The following WNT3 variants were observed in gnomAD, a reference collection of about 807,000 sequenced individuals.
The protein encoded by WNT3 is Wnt family member 3.
Under a neutral mutation model 34.2 loss-of-function variants are expected in WNT3, and 7 were observed. That is an observed-to-expected ratio of 0.20 (90% CI 0.12 to 0.38). The LOEUF (loss-of-function observed/expected upper bound fraction) is 0.38. Ranked by LOEUF, WNT3 falls within the 10% of genes least tolerant of loss-of-function variation. The pLI is 1.00. For missense variants in WNT3, 267 were observed against 499.8 expected (o/e 0.53, Z 4.44); for synonymous variants, 212 against 211.5 (o/e 1.00, Z -0.02).
At chr17:46,805,216 C>A (rs892855825) in intron 1 of WNT3, among the ~76,000 whole-genome samples, 6 of 151,806 alleles carry the variant, frequency 4.0e-5, no homozygotes, top group Non-Finnish European at 8.8e-5. Context: ...GAGGCTGAGG[C>A]AGGAGGATTG....
At chr17:46,778,317 G>A (rs4141293) in intron 1 of WNT3, among the ~76,000 whole-genome samples, 17,145 of 152,160 alleles carry the variant, frequency 0.11, 2,309 homozygotes, top group East Asian at 0.6. Context: ...CTGGATGAGG[G>A]TTCAAGGTCA....
chr17:46,768,578 C>T lies in WNT3; in HGVS notation c.810G>A (p.Thr270=), dbSNP rs753052254. 6.2e-7 allele frequency: 1 copy of T among 1,614,206 alleles called. No homozygotes were observed. The highest frequency in any genetic ancestry group is 8.5e-7 in the Non-Finnish European group (1 of 1,180,042). The change falls in exon 4 of 5, where the codon ACG becomes ACA. Residue 270 remains threonine, a synonymous_variant. Coordinates refer to ENST00000225512, the MANE Select transcript of WNT3 (RefSeq NM_030753.5). This position sits in a 1 kb window ranked among gnomAD's most constrained non-coding sequence, Gnocchi z 5.0. ...TCTCGTAGTAGACCAGGTCCCTCTC[C>T]GTGGGTGGCTTGAAGAGCGAGTACT... is the stretch of plus-strand genomic sequence containing the variant. ...RAKYSLFKPP[T]ERDLVYYENS...
chr17:46,803,794 C>A (rs1296087856), intron 1 of WNT3, among the ~76,000 whole-genome samples: 1 of 152,208 alleles, frequency 6.6e-6, no homozygotes, highest in Non-Finnish European at 1.5e-5. Context: ...CCTGCCCTGG[C>A]AGAATGGGCC....
intron 1 of WNT3, among the ~76,000 whole-genome samples, chr17:46,811,345 A>G (rs1008036088): frequency 6.6e-6 from 1 of 152,156 alleles, no homozygotes; most frequent in African/African-American, 2.4e-5. Context: ...GCTCCTGTCA[A>G]TGGCGCGGAA....
In WNT3 at chr17:46,763,503, C is replaced by G. The variant is rs2059285755; in HGVS notation, c.*1127G>C. The G allele has an allele frequency of 3.9e-5, 6 of 152,240 alleles. No homozygotes were observed. The highest frequency in any genetic ancestry group is 1.4e-4 in the African/African-American group (6 of 41,526). 9.4% of individuals were successfully genotyped at this position (152,240 alleles called of 1,614,324 possible). A position where few individuals can be genotyped will look rare whatever the true frequency, so the allele number is the denominator to read the frequency against. On this transcript the variant is annotated 3_prime_UTR_variant, in exon 5 of 5. Transcript: ENST00000225512. ...CTGTGTCTGTGTTTACTCACATTGG[C>G]CCCAGAGAGGAAAGGACACAGTAAG...
At chr17:46,815,481 G>C (rs1394428505) in intron 1 of WNT3, among the ~76,000 whole-genome samples, 1 of 152,166 alleles carries the variant, frequency 6.6e-6, no homozygotes. Flanking sequence ...CATGAGCTGG[G>C]TGGGCCAAAG....
chr17:46,789,617 G>C (rs903868574), intron 1 of WNT3, among the ~76,000 whole-genome samples: 1 of 152,232 alleles, frequency 6.6e-6, no homozygotes, highest in African/African-American at 2.4e-5. Flanking sequence ...AAGGGACAGA[G>C]GAACAAACCA....
At chr17:46,783,097 C>T (rs1213894875) in intron 1 of WNT3, among the ~76,000 whole-genome samples, 1 of 152,210 alleles carries the variant, frequency 6.6e-6, no homozygotes, top group African/African-American at 2.4e-5. Context: ...CTCAACGGGG[C>T]CCTCTGGCTC....
intron 4 of WNT3, among the ~76,000 whole-genome samples, chr17:46,766,406 CAA>C (rs1241288262): frequency 5.5e-5 from 7 of 126,884 alleles, no homozygotes; most frequent in South Asian, 2.6e-4. Flanking sequence ...GACTCAGTCT[CAA>C]AAAAAAAAAA....
chr17:46,813,057 G>A (rs369748283), intron 1 of WNT3, among the ~76,000 whole-genome samples: 9 of 152,244 alleles, frequency 5.9e-5, no homozygotes, highest in African/African-American at 2.2e-4. Context: ...TGTTTGGGGC[G>A]AGGTTTGGAA....
intron 1 of WNT3, among the ~76,000 whole-genome samples, chr17:46,799,437 T>C (rs2084095883): frequency 7.3e-6 from 1 of 136,388 alleles, no homozygotes; most frequent in Non-Finnish European, 1.5e-5. Context: ...TCAGTTTCTA[T>C]TATTTCTACT....
chr17:46,783,710 A>C (rs2059480516), intron 1 of WNT3, among the ~76,000 whole-genome samples: 1 of 152,206 alleles, frequency 6.6e-6, no homozygotes, highest in African/African-American at 2.4e-5. Context: ...CATGTGGAGC[A>C]GCTACCGAGC....
intron 1 of WNT3, among the ~76,000 whole-genome samples, chr17:46,788,677 G>A (rs2083938536): frequency 6.6e-6 from 1 of 152,186 alleles, no homozygotes; most frequent in Admixed American, 6.5e-5. Context: ...TTTGAGAGGA[G>A]GGATTCTTTC....
intron 1 of WNT3, among the ~76,000 whole-genome samples, chr17:46,789,116 C>T (rs191472507): frequency 2.6e-5 from 4 of 152,298 alleles, no homozygotes; most frequent in Admixed American, 6.5e-5. Flanking sequence ...GAGCACAGTG[C>T]GTGGGGCACT....
intron 1 of WNT3, among the ~76,000 whole-genome samples, chr17:46,790,934 C>T (rs538335523): frequency 2.6e-5 from 4 of 152,234 alleles, no homozygotes; most frequent in Admixed American, 6.5e-5. Flanking sequence ...CAGCCTCATG[C>T]GTCATCTGGA....
intron 1 of WNT3, among the ~76,000 whole-genome samples, chr17:46,798,180 C>T (rs1299842175): frequency 2.6e-5 from 4 of 152,206 alleles, no homozygotes; most frequent in East Asian, 1.9e-4. Context: ...CCTCCCGCCT[C>T]GGCCTCCCGA....
At position 46,763,362 on chromosome 17, in the gene WNT3, A is replaced by T. The variant is rs1417289191; in HGVS notation, c.*1268T>A. On this transcript the variant is annotated 3_prime_UTR_variant, in exon 5 of 5. Coordinates refer to ENST00000225512, the MANE Select transcript of WNT3 (RefSeq NM_030753.5). ...ACTCAGCCGTGAGATGCTTCACCTA[A>T]GGGAGTAGGTGACTGCTGGTTCCCC... 1.3e-5 allele frequency: 2 copies of T among 152,152 alleles called. No individual in the cohort carries two copies. The highest frequency in any genetic ancestry group is 6.5e-5 in the Admixed American group (1 of 15,270). The allele number at this position is 152,152 out of a possible 1,614,324, so 9.4% of individuals were successfully genotyped here.
chr17:46,769,663 G>C (rs2059346151), intron 3 of WNT3, 120 bp downstream of exon 3: 3 of 1,385,920 alleles, frequency 2.2e-6, no homozygotes, highest in Non-Finnish European at 3.0e-6. Flanking sequence ...CCTGGCCAAG[G>C]GGAAAAGGAG....
rs1356867302 is a variant in WNT3 at position 46,763,967 on chromosome 17, C to CACATGGCTG, written c.*654_*662dup. 3.9e-5 allele frequency: 6 copies of CACATGGCTG among 152,138 alleles called. No homozygotes were observed. The highest frequency in any genetic ancestry group is 6.5e-5 in the Admixed American group (1 of 15,272). The allele number at this position is 152,138 out of a possible 1,614,324, so 9.4% of individuals were successfully genotyped here. ...ATAGAGAAAATGAGACTGAGAAGAA[C>CACATGGCTG]ACATGGCTGCTCTTCAAACGGCTGA... On this transcript the variant is annotated 3_prime_UTR_variant, in exon 5 of 5. Coordinates refer to ENST00000225512, the MANE Select transcript of WNT3 (RefSeq NM_030753.5).
Sources: gnomAD v4.1 joint callset for allele counts (sites outside exome capture counted in the v4.1 genomes callset) on GRCh38, gnomAD v4.1.1 for gene constraint, Gnocchi (gnomAD v3.1) non-coding constraint, MANE v1.5 for transcripts, NCBI Gene and HGNC (gene_info 2026-07-23, HGNC 2026-07-21) for gene names.